Variants in PKHD1L1 observed in about 807,000 individuals in gnomAD.
PKHD1L1 encodes the protein fibrocystin-L.
PKHD1L1 carries 434 observed loss-of-function variants against 462.9 expected under a neutral mutation model. That is an observed-to-expected ratio of 0.94 (90% CI 0.87 to 1.02). The LOEUF (loss-of-function observed/expected upper bound fraction) is 1.02. PKHD1L1 is among the 50% of genes least tolerant of loss of function. The pLI is 0.00. For synonymous variants in PKHD1L1, 1,781 were observed against 1,750.0 expected (o/e 1.02, Z -0.44); for missense variants, 5,202 against 5,096.1 (o/e 1.02, Z -0.63).
At chr8:109,503,997 A>G (rs1819566112) in intron 67 of PKHD1L1, among the ~76,000 whole-genome samples, 1 of 152,202 alleles carries the variant, frequency 6.6e-6, no homozygotes, top group African/African-American at 2.4e-5. Context: ...GAAGTCACAG[A>G]ATTCCCTGGA....
intron 70 of PKHD1L1, 41 bp from the exon 71 acceptor site, chr8:109,510,736 T>C (rs2607624): frequency 0.19 from 287,125 of 1,548,920 alleles, 30,219 homozygotes; most frequent in Admixed American, 0.39. Flanking sequence ...TAATAAAATG[T>C]ATGATATAGG....
At chr8:109,456,554 G>T (rs779568687) in intron 46 of PKHD1L1, among the ~76,000 whole-genome samples, 163 bp downstream of exon 46, 1 of 152,058 alleles carries the variant, frequency 6.6e-6, no homozygotes, top group Non-Finnish European at 1.5e-5. Flanking sequence ...GTTAACATTA[G>T]GTTGATCACA....
Position 109,526,810 on chromosome 8 carries a change from C to G in PKHD1L1, c.12511C>G (p.Leu4171Val), listed in dbSNP as rs1231399582. ...AAAAAATTATAAGATTGAATTTATA[C>G]TGGATAATGTTGTTGGGGTAGAATC... Reference protein sequence around the residue: ...TGKNYKIEFILDNVVGVESRT... With the variant: ...TGKNYKIEFIVDNVVGVESRT... The change falls in exon 77 of 78, where the codon CTG becomes GTG. Residue 4171 changes from leucine to valine, a missense_variant. Coordinates refer to ENST00000378402, the MANE Select transcript of PKHD1L1 (RefSeq NM_177531.6). The G allele has an allele frequency of 4.5e-6, 7 of 1,556,508 alleles. No individual in the cohort carries two copies. The highest frequency in any genetic ancestry group is 2.0e-5 in the Admixed American group (1 of 51,128).
chr8:109,421,589 G>A (rs1456829823), intron 23 of PKHD1L1, among the ~76,000 whole-genome samples: 1 of 151,700 alleles, frequency 6.6e-6, no homozygotes, highest in African/African-American at 2.4e-5. Context: ...GAGACCATCC[G>A]GGCTAACATG....
intron 50 of PKHD1L1, among the ~76,000 whole-genome samples, chr8:109,472,428 G>A (rs1176925111): frequency 6.6e-6 from 1 of 151,972 alleles, no homozygotes; most frequent in East Asian, 1.9e-4. Flanking sequence ...TTGATTCAGG[G>A]AATCTGGTAT....
At chr8:109,398,665 T>G in intron 12 of PKHD1L1, 117 bp downstream of exon 12, 1 of 429,398 alleles carries the variant, frequency 2.3e-6, no homozygotes. Context: ...TGTAAGAAAT[T>G]TCCTCCAAGT....
At chr8:109,483,597 AAAAATATATAT>A (rs1262967134) in intron 57 of PKHD1L1, among the ~76,000 whole-genome samples, 7 of 149,830 alleles carry the variant, frequency 4.7e-5, no homozygotes, top group Non-Finnish European at 7.4e-5. Context: ...TATTAGTCAT[AAAAATATATAT>A]ACATAATATA....
At chr8:109,443,620 C>T in intron 36 of PKHD1L1, 56 bp from the exon 37 acceptor site, 1 of 1,321,454 alleles carries the variant, frequency 7.6e-7, no homozygotes, top group South Asian at 1.4e-5. Flanking sequence ...AGTTTGAAAA[C>T]AGTTATCATT....
At chr8:109,398,899 A>T (rs1468347387) in intron 12 of PKHD1L1, among the ~76,000 whole-genome samples, 2 of 151,628 alleles carry the variant, frequency 1.3e-5, no homozygotes, top group Non-Finnish European at 2.9e-5. Context: ...TTTCTGATTA[A>T]AAAAAGATAA....
intron 23 of PKHD1L1, among the ~76,000 whole-genome samples, chr8:109,423,420 T>A (rs866735580): frequency 1.3e-4 from 20 of 152,310 alleles, no homozygotes; most frequent in Non-Finnish European, 1.5e-4. Context: ...TTGGAACCTT[T>A]GTCAAAAATC....
At chr8:109,393,916 C>A (rs1251721499) in intron 9 of PKHD1L1, among the ~76,000 whole-genome samples, 1 of 152,080 alleles carries the variant, frequency 6.6e-6, no homozygotes, top group Non-Finnish European at 1.5e-5. Context: ...GTGGCTCACG[C>A]CTGTAATCCC....
chr8:109,507,843 C>A lies in PKHD1L1; in HGVS notation c.11175C>A (p.Leu3725=), dbSNP rs763131214. Residue 3725 remains leucine, a synonymous_variant, in exon 69 of 78, where the codon CTC becomes CTA. Transcript: ENST00000378402. The part of the protein sequence containing the change: ...IGDYRIPKAM[L]TFLNGSRIPV... Reference sequence around the variant, plus strand: ...ACTACAGAATTCCTAAGGCGATGCTCACATTCTTGAATGGAAGTAGAATTC... The same window carrying A: ...ACTACAGAATTCCTAAGGCGATGCTAACATTCTTGAATGGAAGTAGAATTC... The A allele has an allele frequency of 1.2e-5, 20 of 1,613,556 alleles. No individual in the cohort carries two copies. The highest frequency in any genetic ancestry group is 1.5e-5 in the Non-Finnish European group (18 of 1,179,668).
chr8:109,363,192 T>C (rs541805549), intron 1 of PKHD1L1, among the ~76,000 whole-genome samples: 1 of 152,254 alleles, frequency 6.6e-6, no homozygotes, highest in African/African-American at 2.4e-5. Context: ...TGGAGTTGTC[T>C]GTGGAGATAA....
chr8:109,484,043 C>T (rs1586602892), intron 57 of PKHD1L1, among the ~76,000 whole-genome samples: 1 of 151,722 alleles, frequency 6.6e-6, no homozygotes, highest in East Asian at 1.9e-4. Context: ...TGAGAACAAG[C>T]TTTAGACTCA....
chr8:109,424,607 A>AT (rs548251153), intron 23 of PKHD1L1, among the ~76,000 whole-genome samples: 1,956 of 147,732 alleles, frequency 0.013, 37 homozygotes, highest in African/African-American at 0.043. Flanking sequence ...TTAAACAAGT[A>AT]TTTTTTTTTT....
chr8:109,411,482 A>G (rs1173625634), intron 19 of PKHD1L1, among the ~76,000 whole-genome samples: 1 of 152,198 alleles, frequency 6.6e-6, no homozygotes, highest in East Asian at 1.9e-4. Context: ...TAATAAGCAT[A>G]TGTGTATTTA....
At chr8:109,528,036 G>C (rs1673384) in intron 77 of PKHD1L1, among the ~76,000 whole-genome samples, 36,062 of 152,058 alleles carry the variant, frequency 0.24, 4,966 homozygotes, top group African/African-American at 0.34. Context: ...GTGCTAGTAC[G>C]AGGAATGACA....
chr8:109,484,239 A>C (rs958921579), intron 57 of PKHD1L1, among the ~76,000 whole-genome samples: 3 of 151,852 alleles, frequency 2.0e-5, no homozygotes, highest in African/African-American at 7.2e-5. Flanking sequence ...GAGAGTAATT[A>C]AGTGATTTTG....
intron 49 of PKHD1L1, among the ~76,000 whole-genome samples, chr8:109,465,708 G>A (rs923795917): frequency 2.6e-5 from 4 of 152,106 alleles, no homozygotes; most frequent in African/African-American, 9.7e-5. Context: ...CTATCCTTGC[G>A]AAAATACTTT....
Sources: allele counts gnomAD v4.1 joint callset (sites outside exome capture counted in the v4.1 genomes callset), GRCh38; gene constraint gnomAD v4.1.1; transcripts MANE v1.5; gene names NCBI Gene and HGNC (gene_info 2026-07-23, HGNC 2026-07-21).